GPM6A: variants seen among roughly 807,000 people sequenced by gnomAD.
GPM6A encodes the protein neuronal membrane glycoprotein M6-a.
Under a neutral mutation model 32.1 loss-of-function variants are expected in GPM6A, and 7 were observed. The ratio of observed to expected loss-of-function variants is 0.22; its 90% CI spans 0.12 to 0.41. GPM6A has a LOEUF of 0.41. Ranked by LOEUF, GPM6A falls within the 10% of genes least tolerant of loss-of-function variation. The pLI is 1.00. For missense variants in GPM6A, 235 were observed against 347.2 expected, an observed-to-expected ratio of 0.68 and a Z score of 2.57; for synonymous variants, 130 against 123.4, an observed-to-expected ratio of 1.05 and a Z score of -0.35.
At chr4:175,992,043 TACAC>T (rs1016277312) in intron 1 of GPM6A, among the ~76,000 whole-genome samples, 2 of 114,842 alleles carry the variant, frequency 1.7e-5, no homozygotes, top group African/African-American at 7.0e-5. Flanking sequence ...AAGAACCCCC[TACAC>T]ACAAACACAC....
At chr4:175,816,522 A>T (rs1735104883), upstream of GPM6A, among the ~76,000 whole-genome samples, 1 of 152,212 alleles carries the variant, frequency 6.6e-6, no homozygotes, top group Non-Finnish European at 1.5e-5. Context: ...AAGGAGAGTT[A>T]ACAGATTAAA....
chr4:175,971,512 C>T (rs1740501451), intron 1 of GPM6A, among the ~76,000 whole-genome samples: 4 of 152,132 alleles, frequency 2.6e-5, no homozygotes, highest in African/African-American at 4.8e-5. Flanking sequence ...TGACATCCAG[C>T]AACTCCTCTC....
chr4:175,704,207 C>A (rs1430613179), intron 1 of GPM6A, among the ~76,000 whole-genome samples: 1 of 152,022 alleles, frequency 6.6e-6, no homozygotes, highest in African/African-American at 2.4e-5. Context: ...CCATCTGCCC[C>A]AGAGGAGGTT....
chr4:175,683,863 C>A (rs572967024), intron 2 of GPM6A, among the ~76,000 whole-genome samples: 2 of 151,220 alleles, frequency 1.3e-5, no homozygotes, highest in South Asian at 2.1e-4. Context: ...AGGAGTTTTG[C>A]TCTTGTCTTC....
intron 1 of GPM6A, among the ~76,000 whole-genome samples, chr4:175,975,286 G>C (rs1404910401): frequency 6.6e-6 from 1 of 152,162 alleles, no homozygotes; most frequent in Non-Finnish European, 1.5e-5. Context: ...AACATTTTTA[G>C]CTCCATCTGC....
intron 1 of GPM6A, among the ~76,000 whole-genome samples, chr4:175,925,564 G>A (rs1215249924): frequency 3.3e-5 from 5 of 151,994 alleles, no homozygotes; most frequent in Non-Finnish European, 5.9e-5. Flanking sequence ...AAACACTATC[G>A]TAAATGTAGT....
intron 1 of GPM6A, among the ~76,000 whole-genome samples, chr4:175,802,317 A>G (rs1734503281): frequency 1.3e-5 from 2 of 152,096 alleles, no homozygotes; most frequent in Non-Finnish European, 2.9e-5. Flanking sequence ...TTAGTGATTA[A>G]TACATCAAAA....
At chr4:175,928,547 T>C (rs951323680) in intron 1 of GPM6A, among the ~76,000 whole-genome samples, 8 of 152,152 alleles carry the variant, frequency 5.3e-5, no homozygotes. Flanking sequence ...ATATCATCCA[T>C]AAGGGCTTGG....
At chr4:175,721,148 A>AATATATATATATATATATATATAT (rs3032644) in intron 1 of GPM6A, among the ~76,000 whole-genome samples, 59 of 135,184 alleles carry the variant, frequency 4.4e-4, no homozygotes, top group Non-Finnish European at 7.2e-4. Flanking sequence ...TATATATTCT[A>AATATATATATATATATATATATAT]ATATATATAT....
At chr4:175,772,492 A>G (rs55771906) in intron 1 of GPM6A, among the ~76,000 whole-genome samples, 1 of 152,210 alleles carries the variant, frequency 6.6e-6, no homozygotes, top group Admixed American at 6.5e-5. Flanking sequence ...AGATCACAGA[A>G]GAAGGAGCTT....
intron 1 of GPM6A, among the ~76,000 whole-genome samples, chr4:175,992,867 T>G (rs1022420310): frequency 2.0e-5 from 3 of 152,232 alleles, no homozygotes; most frequent in African/African-American, 7.2e-5. Context: ...GAAGCATATC[T>G]TATCATTTAA....
intron 1 of GPM6A, among the ~76,000 whole-genome samples, chr4:175,954,822 T>G (rs1739932527): frequency 6.6e-6 from 1 of 152,240 alleles, no homozygotes; most frequent in African/African-American, 2.4e-5. Context: ...AACTTTACCC[T>G]GGCTGCCTGA....
chr4:175,899,576 T>C (rs987827866), intron 1 of GPM6A, among the ~76,000 whole-genome samples: 7 of 152,072 alleles, frequency 4.6e-5, no homozygotes, highest in African/African-American at 1.2e-4. Context: ...CATACATCTA[T>C]AGTGAGCTCA....
At chr4:175,766,574 T>C (rs1161521400) in intron 1 of GPM6A, among the ~76,000 whole-genome samples, 3 of 152,092 alleles carry the variant, frequency 2.0e-5, no homozygotes, top group Non-Finnish European at 2.9e-5. Context: ...ATTGATCTAA[T>C]ATACCTATCA....
rs956856912 is a variant in GPM6A at position 175,759,805 on chromosome 4, G to T, written c.37+52386C>A. 5.4e-4 allele frequency among the ~76,000 whole-genome samples: 82 copies of T among 152,220 alleles called. No individual in the cohort carries two copies. The Middle Eastern group carries it at 0.01, about 19-fold the overall frequency. ...ATGAGGAATTATGTATTAATGAGGGGATATAGCAATTTTCTCCTTCATAAG... is the reference window on the plus strand; with the variant it reads ...ATGAGGAATTATGTATTAATGAGGGTATATAGCAATTTTCTCCTTCATAAG... On this transcript the variant is annotated intron_variant, in intron 1 of 6. Transcript: ENST00000393658.
At chr4:175,643,588 C>T (rs1380564581) in intron 4 of GPM6A, among the ~76,000 whole-genome samples, 1 of 152,046 alleles carries the variant, frequency 6.6e-6, no homozygotes, top group Non-Finnish European at 1.5e-5. Flanking sequence ...AAAATACTAT[C>T]GTTACAGTAG....
upstream of GPM6A, chr4:175,812,942 A>T (rs953916234): frequency 6.1e-6 from 6 of 985,232 alleles, no homozygotes; most frequent in African/African-American, 1.0e-4. Flanking sequence ...TTACTAAGAC[A>T]GGACTTGTAA....
chr4:175,653,357 C>T (rs932363037), intron 3 of GPM6A, among the ~76,000 whole-genome samples: 4 of 152,088 alleles, frequency 2.6e-5, no homozygotes, highest in African/African-American at 7.2e-5. Context: ...CATTCTCAAA[C>T]ACATGTTTTC....
chr4:175,780,288 T>C (rs1241891268), intron 1 of GPM6A, among the ~76,000 whole-genome samples: 5 of 152,246 alleles, frequency 3.3e-5, no homozygotes, highest in Middle Eastern at 3.4e-3. Context: ...CCTCAGGTGA[T>C]CCACCTGCCT....
Sources: allele counts gnomAD v4.1 joint callset (sites outside exome capture counted in the v4.1 genomes callset), GRCh38; gene constraint gnomAD v4.1.1; transcripts MANE v1.5; gene names NCBI Gene and HGNC (gene_info 2026-07-23, HGNC 2026-07-21).